Variants in ZNF334 observed in about 807,000 individuals in gnomAD.
The protein encoded by ZNF334 is zinc finger protein 334.
Under a neutral mutation model 12.4 loss-of-function variants are expected in ZNF334, and 14 were observed. The observed-to-expected ratio is 1.13, with a 90% confidence interval of 0.74 to 1.76. ZNF334 has a LOEUF of 1.76. ZNF334 is among the 40% of genes most tolerant of loss of function. The pLI, the probability that ZNF334 is intolerant of heterozygous loss-of-function variation, is 0.00. For synonymous variants in ZNF334, 273 were observed against 269.6 expected, an observed-to-expected ratio of 1.01 and a Z score of -0.12; for missense variants, 797 against 804.5, an observed-to-expected ratio of 0.99 and a Z score of 0.11.
the ZNF334 span, among the ~76,000 whole-genome samples, chr20:46,475,493 A>G: frequency 6.6e-6 from 1 of 152,190 alleles, no homozygotes. Flanking sequence ...CAAACTACAA[A>G]GTGGGAGAAC....
At chr20:46,504,034 T>C (rs768743226) in intron 4 of ZNF334, among the ~76,000 whole-genome samples, 180 bp downstream of exon 4, 5 of 152,226 alleles carry the variant, frequency 3.3e-5, no homozygotes, top group Admixed American at 6.5e-5. Flanking sequence ...TTCAATTATT[T>C]ATTTGGGGAG....
At chr20:46,499,065 T>A (rs1270819890), downstream of ZNF334, among the ~76,000 whole-genome samples, 2 of 149,552 alleles carry the variant, frequency 1.3e-5, no homozygotes, top group Admixed American at 1.3e-4. Flanking sequence ...TCCCAGCTAC[T>A]TGGGAGGCTG....
At chr20:46,499,480 T>A (rs1357812901), downstream of ZNF334, 2 of 152,206 alleles carry the variant, frequency 1.3e-5, no homozygotes, top group African/African-American at 4.8e-5. Context: ...TTTCTTTATG[T>A]CTTGAAATTT....
At chr20:46,495,159 T>G (rs1302062813), downstream of ZNF334, among the ~76,000 whole-genome samples, 1 of 152,184 alleles carries the variant, frequency 6.6e-6, no homozygotes, top group Non-Finnish European at 1.5e-5. Context: ...ATGTAAATGA[T>G]GCATCTTTTG....
At chr20:46,468,133 G>A in the ZNF334 span, among the ~76,000 whole-genome samples, 1 of 152,206 alleles carries the variant, frequency 6.6e-6, no homozygotes, top group African/African-American at 2.4e-5. Flanking sequence ...AGTTTTTGGT[G>A]ACCTGGTGGT....
chr20:46,473,760 C>T, the ZNF334 span, among the ~76,000 whole-genome samples: 4 of 152,300 alleles, frequency 2.6e-5, no homozygotes, highest in South Asian at 4.1e-4. Flanking sequence ...GGAAGACAAA[C>T]CAGTTACAAA....
At chr20:46,483,546 C>T in the ZNF334 span, among the ~76,000 whole-genome samples, 1 of 152,140 alleles carries the variant, frequency 6.6e-6, no homozygotes, top group Non-Finnish European at 1.5e-5. Context: ...GGAACATAGT[C>T]TCATAGTCAG....
intron 3 of ZNF334, 145 bp from the exon 4 acceptor site, chr20:46,504,451 G>T: frequency 3.5e-6 from 4 of 1,134,584 alleles, no homozygotes; most frequent in South Asian, 3.1e-5. Context: ...GTGAAGGGTA[G>T]GGGAAGGGCA....
chr20:46,490,922 C>T, the ZNF334 span: 2 of 152,378 alleles, frequency 1.3e-5, no homozygotes, highest in African/African-American at 2.4e-5. Flanking sequence ...CCGAACACAT[C>T]GTACTTTTGT....
At chr20:46,464,580 G>A in the ZNF334 span, 1 of 410,768 alleles carries the variant, frequency 2.4e-6, no homozygotes, top group Non-Finnish European at 4.8e-6. Context: ...TCTCTGGGCA[G>A]CATCCATTGG....
At chr20:46,463,905 G>A in the ZNF334 span, 1 of 492,458 alleles carries the variant, frequency 2.0e-6, no homozygotes, top group Non-Finnish European at 4.1e-6. Context: ...ACTGAGCCAA[G>A]TCATAAAAAT....
chr20:46,483,814 T>C, the ZNF334 span, among the ~76,000 whole-genome samples: 1 of 152,250 alleles, frequency 6.6e-6, no homozygotes, highest in East Asian at 1.9e-4. Context: ...AAAACTAGTC[T>C]GTCACATTTT....
rs1008347423 is a variant in ZNF334, at chr20:46,499,930, C to G, written c.*1366G>C. The G allele has an allele frequency of 6.6e-6, 1 of 152,134 alleles. No homozygotes were observed. Among genetic ancestry groups the G allele is most frequent in the Non-Finnish European group, 1.5e-5 (1 of 68,020 alleles). The allele number at this position is 152,134 out of a possible 1,614,324, so 9.4% of individuals were successfully genotyped here. A position where few individuals can be genotyped will look rare whatever the true frequency, so the allele number is the denominator to read the frequency against. On this transcript the variant is annotated 3_prime_UTR_variant, in exon 5 of 5. Transcript: ENST00000692313. ...CCAAATAAATAGCACAATTTCCCCCCATCTAAACGATAAAAAATTAAGTAG... is the reference window on the plus strand; with the variant it reads ...CCAAATAAATAGCACAATTTCCCCCGATCTAAACGATAAAAAATTAAGTAG...
At chr20:46,479,441 C>T in the ZNF334 span, among the ~76,000 whole-genome samples, 2 of 152,184 alleles carry the variant, frequency 1.3e-5, no homozygotes, top group African/African-American at 2.4e-5. Context: ...CCTCGTTATA[C>T]CCTCTCCCTT....
chr20:46,496,530 T>C (rs1306147611), downstream of ZNF334, among the ~76,000 whole-genome samples: 1 of 152,216 alleles, frequency 6.6e-6, no homozygotes. Flanking sequence ...GGGTGGTGCC[T>C]TTGAAATCTG....
the ZNF334 span, among the ~76,000 whole-genome samples, chr20:46,489,649 C>CAA: frequency 9.9e-5 from 9 of 90,732 alleles, no homozygotes; most frequent in Non-Finnish European, 1.4e-4. Context: ...CAGACTCTCT[C>CAA]AAAAAAAAAA....
chr20:46,487,301 C>T, the ZNF334 span, among the ~76,000 whole-genome samples: 1 of 152,164 alleles, frequency 6.6e-6, no homozygotes, highest in Non-Finnish European at 1.5e-5. Context: ...TTTCTCTGAA[C>T]AATGAGTCAG....
At chr20:46,511,409 C>T (rs76501813) in intron 2 of ZNF334, among the ~76,000 whole-genome samples, 2 of 152,228 alleles carry the variant, frequency 1.3e-5, no homozygotes, top group East Asian at 3.9e-4. Context: ...TAGGTTACTG[C>T]TAAATTTTTC....
At chr20:46,498,668 A>G (rs1054010734), downstream of ZNF334, among the ~76,000 whole-genome samples, 1 of 152,226 alleles carries the variant, frequency 6.6e-6, no homozygotes, top group Non-Finnish European at 1.5e-5. Flanking sequence ...AATAAATAAT[A>G]CATTAACCTG....
Sources: allele counts gnomAD v4.1 joint callset (sites outside exome capture counted in the v4.1 genomes callset), GRCh38; gene constraint gnomAD v4.1.1; transcripts MANE v1.5; gene names NCBI Gene and HGNC (gene_info 2026-07-23, HGNC 2026-07-21).